The following CHCHD3 variants were observed in gnomAD, a reference collection of about 807,000 sequenced individuals.
The protein encoded by CHCHD3 is coiled-coil-helix-coiled-coil-helix domain containing 3.
CHCHD3 carries 20 observed loss-of-function variants against 38.2 expected under a neutral mutation model. That is an observed-to-expected ratio of 0.52 (90% CI 0.37 to 0.76). The LOEUF (loss-of-function observed/expected upper bound fraction) is 0.76. Among genes scored for constraint, CHCHD3 ranks in the 30% least tolerant of loss-of-function variants. The pLI, the probability that CHCHD3 is intolerant of heterozygous loss-of-function variation, is 0.00. For synonymous variants in CHCHD3, 82 were observed against 100.0 expected (o/e 0.82, Z 1.07); for missense variants, 245 against 279.2 (o/e 0.88, Z 0.87).
intron 3 of CHCHD3, among the ~76,000 whole-genome samples, chr7:133,003,292 GCA>G (rs1357086655): frequency 6.6e-6 from 1 of 152,184 alleles, no homozygotes; most frequent in African/African-American, 2.4e-5. Context: ...GGCTAAAGCA[GCA>G]CAGAGTTGGC....
intron 7 of CHCHD3, among the ~76,000 whole-genome samples, chr7:132,786,302 C>G (rs1486280101): frequency 6.6e-6 from 1 of 152,202 alleles, no homozygotes; most frequent in African/African-American, 2.4e-5. Context: ...TCCAAAGGCT[C>G]TGAGAGGGAA....
chr7:132,952,169 G>T (rs1204808290), intron 4 of CHCHD3, among the ~76,000 whole-genome samples: 1 of 152,224 alleles, frequency 6.6e-6, no homozygotes, highest in Non-Finnish European at 1.5e-5. Context: ...CTGCCAACCA[G>T]CAGCAAGAGG....
chr7:133,035,653 C>G lies in CHCHD3; in HGVS notation c.170-11026G>C. ...CACTGCACCACCTGGGCTGCTGCCT[C>G]TGGAGTACTTCCCCGCAGCTCCTCA... On this transcript the variant is annotated intron_variant, in intron 2 of 7. Transcript: ENST00000262570. This position sits in a 1 kb window ranked among gnomAD's most constrained non-coding sequence, Gnocchi z 4.7. 6.2e-7 allele frequency: 1 copy of G among 1,611,680 alleles called. No homozygotes were observed.
chr7:132,866,192 C>T (rs1808621397), intron 5 of CHCHD3, among the ~76,000 whole-genome samples: 1 of 152,150 alleles, frequency 6.6e-6, no homozygotes. Context: ...CCCACTCAGC[C>T]CCTTTCTGGC....
intron 4 of CHCHD3, among the ~76,000 whole-genome samples, chr7:132,968,344 T>C (rs1811529309): frequency 1.3e-5 from 2 of 152,188 alleles, no homozygotes; most frequent in Non-Finnish European, 2.9e-5. Context: ...AGAATGGGAC[T>C]TGCAGATGGA....
chr7:132,799,926 G>A lies in CHCHD3; in HGVS notation c.525-3349C>T, dbSNP rs1585524625. ...TTGGCCCTCCCTACCCCACACAGTG[G>A]CACCAAAGGCCCAAGGGGTTGCTGA... On this transcript the variant is annotated intron_variant, in intron 6 of 7. Transcript: ENST00000262570. Among the ~76,000 whole-genome samples, 3 of 152,192 alleles carry A rather than the reference G, an allele frequency of 2.0e-5. No individual in the cohort carries two copies. In the East Asian group the frequency reaches 5.8e-4, roughly 29 times the overall value.
intron 2 of CHCHD3, among the ~76,000 whole-genome samples, chr7:133,048,014 G>A (rs966812686): frequency 6.6e-5 from 10 of 152,186 alleles, no homozygotes; most frequent in Admixed American, 2.0e-4. Flanking sequence ...GCTTGAATGC[G>A]GGAGGTGGAG....
chr7:132,958,575 C>T (rs140972358), intron 4 of CHCHD3, among the ~76,000 whole-genome samples: 66 of 152,236 alleles, frequency 4.3e-4, no homozygotes, highest in African/African-American at 8.2e-4. Flanking sequence ...TCTGGAGATA[C>T]ATTTGTTACT....
chr7:133,038,276 T>C (rs1813734839), intron 2 of CHCHD3, among the ~76,000 whole-genome samples: 2 of 152,168 alleles, frequency 1.3e-5, no homozygotes, highest in South Asian at 4.1e-4. Flanking sequence ...TGATATATTA[T>C]ATTATAGAAA....
chr7:132,887,739 T>C (rs1332128878), intron 4 of CHCHD3, among the ~76,000 whole-genome samples: 1 of 151,776 alleles, frequency 6.6e-6, no homozygotes, highest in African/African-American at 2.4e-5. Context: ...CCAATTAAGG[T>C]AATATGGTGT....
intron 3 of CHCHD3, among the ~76,000 whole-genome samples, chr7:133,002,969 T>C (rs987433815): frequency 6.6e-6 from 1 of 152,198 alleles, no homozygotes; most frequent in African/African-American, 2.4e-5. Flanking sequence ...GCCCAAGTTA[T>C]TGAAAAATAA....
intron 4 of CHCHD3, among the ~76,000 whole-genome samples, chr7:132,947,825 T>C (rs1810934865): frequency 6.6e-6 from 1 of 152,052 alleles, no homozygotes; most frequent in Admixed American, 6.6e-5. Flanking sequence ...GGTAGTCAAT[T>C]TATGTAATTA....
In CHCHD3 at chr7:132,788,082, A is replaced by T. The variant is rs549796683; in HGVS notation, c.661-2422T>A. On this transcript the variant is annotated intron_variant, in intron 7 of 7. Coordinates refer to ENST00000262570, the MANE Select transcript of CHCHD3 (RefSeq NM_017812.4). This position sits in a 1 kb window ranked among gnomAD's most constrained non-coding sequence, Gnocchi z 4.0. ...GTCACAGCGTCACAGCATCTCAGCT[A>T]TGCTCACCTGCTTATGAATTGATCT... 1.4e-4 allele frequency among the ~76,000 whole-genome samples: 21 copies of T among 152,318 alleles called. No individual in the cohort carries two copies. The highest frequency in any genetic ancestry group is 5.1e-4 in the African/African-American group (21 of 41,582).
At chr7:132,939,949 A>C (rs945257927) in intron 4 of CHCHD3, among the ~76,000 whole-genome samples, 1 of 152,224 alleles carries the variant, frequency 6.6e-6, no homozygotes, top group African/African-American at 2.4e-5. Context: ...TCTGTTAAAC[A>C]CAGAGCTCCA....
intron 4 of CHCHD3, among the ~76,000 whole-genome samples, chr7:132,970,123 C>G (rs1811576329): frequency 6.6e-6 from 1 of 152,150 alleles, no homozygotes; most frequent in Non-Finnish European, 1.5e-5. Context: ...AAAGAACAGA[C>G]TATGTTCTAA....
chr7:132,863,363 G>T (rs1309098962), intron 5 of CHCHD3, among the ~76,000 whole-genome samples: 1 of 152,148 alleles, frequency 6.6e-6, no homozygotes, highest in East Asian at 1.9e-4. Context: ...AATGTTTTTT[G>T]TGAGAGGTAG....
At chr7:132,952,179 G>A (rs192684960) in intron 4 of CHCHD3, among the ~76,000 whole-genome samples, 4 of 152,290 alleles carry the variant, frequency 2.6e-5, no homozygotes, top group Non-Finnish European at 2.9e-5. Context: ...GCAGCAAGAG[G>A]AGAATGACAT....
intron 4 of CHCHD3, among the ~76,000 whole-genome samples, chr7:132,900,507 T>C (rs2117201675): frequency 6.6e-6 from 1 of 152,258 alleles, no homozygotes; most frequent in East Asian, 1.9e-4. Flanking sequence ...TTATACAAGA[T>C]TCATTCACAA....
In CHCHD3 at chr7:132,969,158, G is replaced by GTT. The variant is rs201954730; in HGVS notation, c.369+6009_369+6010dup. Among the ~76,000 whole-genome samples, 173 of 141,862 alleles carry GTT rather than the reference G, an allele frequency of 1.2e-3. 5 individuals carry two copies. The highest frequency in any genetic ancestry group is 0.011 in the East Asian group (54 of 4,798). The allele number at this position is 141,862 out of a possible 152,430, so 93.1% of individuals were successfully genotyped here. On this transcript the variant is annotated intron_variant, in intron 4 of 7. Coordinates refer to ENST00000262570, the MANE Select transcript of CHCHD3 (RefSeq NM_017812.4). ...CACCCATCCTTTTTTTTTTTACTGT[G>GTT]TTTTTTTTTTTTCTAAACAGTATAA...
Sources: gnomAD v4.1 joint callset for allele counts (sites outside exome capture counted in the v4.1 genomes callset) on GRCh38, gnomAD v4.1.1 for gene constraint, Gnocchi (gnomAD v3.1) non-coding constraint, MANE v1.5 for transcripts, NCBI Gene and HGNC (gene_info 2026-07-23, HGNC 2026-07-21) for gene names.